The following CTNNA2 variants were observed in gnomAD, a reference collection of about 807,000 sequenced individuals.
The protein encoded by CTNNA2 is catenin alpha-2.
Under a neutral mutation model 101.0 loss-of-function variants are expected in CTNNA2, and 42 were observed. That is an observed-to-expected ratio of 0.42 (90% confidence interval 0.32 to 0.54). The LOEUF is 0.54. Among genes scored for constraint, CTNNA2 ranks in the 20% least tolerant of loss-of-function variants. CTNNA2 has a pLI of 0.14. For missense variants in CTNNA2, 871 were observed against 1,223.1 expected (o/e 0.71, Z 4.29); for synonymous variants, 450 against 456.4 (o/e 0.99, Z 0.18).
At chr2:80,497,764 G>C (rs1687581815) in intron 9 of CTNNA2, among the ~76,000 whole-genome samples, 1 of 152,206 alleles carries the variant, frequency 6.6e-6, no homozygotes, top group African/African-American at 2.4e-5. Context: ...GGTCACAGGG[G>C]AAGGAACAGT....
intron 2 of CTNNA2, among the ~76,000 whole-genome samples, chr2:79,258,254 C>A (rs1471597022): frequency 1.3e-5 from 2 of 152,032 alleles, no homozygotes; most frequent in African/African-American, 4.8e-5. Context: ...AAGCATGAAG[C>A]AATTTATAAA....
At chr2:79,635,119 G>C (rs78014526) in intron 1 of CTNNA2, among the ~76,000 whole-genome samples, 1 of 152,118 alleles carries the variant, frequency 6.6e-6, no homozygotes, top group East Asian at 1.9e-4. Context: ...CCTTGATTAA[G>C]GCAGCGGTGG....
At chr2:79,225,215 C>A (rs1460199897) in intron 2 of CTNNA2, among the ~76,000 whole-genome samples, 1 of 152,048 alleles carries the variant, frequency 6.6e-6, no homozygotes, top group Non-Finnish European at 1.5e-5. Flanking sequence ...TTTCATGAAA[C>A]AGGGGCATCA....
chr2:79,943,315 GA>G (rs1452384161), intron 7 of CTNNA2, among the ~76,000 whole-genome samples: 1 of 152,156 alleles, frequency 6.6e-6, no homozygotes. Context: ...CACCCCAGAA[GA>G]GGGGAATCGG....
intron 2 of CTNNA2, among the ~76,000 whole-genome samples, chr2:79,713,319 G>A (rs1685861823): frequency 6.6e-6 from 1 of 152,184 alleles, no homozygotes; most frequent in Non-Finnish European, 1.5e-5. Context: ...TGTGGCTTAT[G>A]CCTGTAATCC....
intron 2 of CTNNA2, among the ~76,000 whole-genome samples, chr2:79,675,050 A>T (rs181465561): frequency 1.3e-5 from 2 of 152,214 alleles, no homozygotes; most frequent in Non-Finnish European, 2.9e-5. Context: ...AGAGGCTGAG[A>T]TATTATCAGT....
intron 2 of CTNNA2, among the ~76,000 whole-genome samples, chr2:79,670,061 G>A (rs1332191667): frequency 6.6e-6 from 1 of 152,160 alleles, no homozygotes; most frequent in Non-Finnish European, 1.5e-5. Context: ...AACAGGGTTG[G>A]GGGATACTTC....
rs1674945446 is a variant in CTNNA2, at chr2:79,563,863, G to A, written c.-6+50656G>A. Reference sequence around the variant, plus strand: ...GTCATTCAAAGTCATTATAACAAATGCCATTAAAGGCTAGATTGCCTGGTA... The same window carrying A: ...GTCATTCAAAGTCATTATAACAAATACCATTAAAGGCTAGATTGCCTGGTA... On this transcript the variant is annotated intron_variant, in intron 1 of 18. Coordinates refer to ENST00000402739, the MANE Select transcript of CTNNA2 (RefSeq NM_001282597.3). 2.0e-5 allele frequency among the ~76,000 whole-genome samples: 3 copies of A among 152,110 alleles called. No individual in the cohort carries two copies. In the South Asian group the frequency reaches 6.2e-4, roughly 32 times the overall value.
In CTNNA2 at chr2:80,569,539, G is replaced by A. The variant is rs552689373; in HGVS notation, c.1742-4624G>A. On this transcript the variant is annotated intron_variant, in intron 12 of 18. Coordinates refer to ENST00000402739, the MANE Select transcript of CTNNA2 (RefSeq NM_001282597.3). ...ATGTGTGCATCACAAAGGCAATGCT[G>A]CGTTTTGTCCTAATTAGTGAGAGGC... 8.6e-5 allele frequency among the ~76,000 whole-genome samples: 13 copies of A among 151,438 alleles called. No individual in the cohort carries two copies. The South Asian group carries it at 2.7e-3, about 32-fold the overall frequency.
chr2:79,401,689 G>T (rs914571875), intron 4 of CTNNA2, among the ~76,000 whole-genome samples: 1 of 150,466 alleles, frequency 6.6e-6, no homozygotes, highest in East Asian at 2.0e-4. Flanking sequence ...TGATAAAATC[G>T]AAAAACTAAA....
intron 3 of CTNNA2, among the ~76,000 whole-genome samples, chr2:79,344,307 G>T (rs563260424): frequency 2.0e-5 from 3 of 152,266 alleles, no homozygotes; most frequent in African/African-American, 7.2e-5. Flanking sequence ...AGAATCCTTT[G>T]ATTTTCATGT....
At chr2:80,194,914 G>A (rs1230880536) in intron 7 of CTNNA2, among the ~76,000 whole-genome samples, 3 of 151,648 alleles carry the variant, frequency 2.0e-5, no homozygotes, top group Non-Finnish European at 2.9e-5. Flanking sequence ...AAGAACAAGC[G>A]ATATTCAGAA....
At chr2:79,237,333 A>G (rs935459638) in intron 2 of CTNNA2, among the ~76,000 whole-genome samples, 2 of 152,232 alleles carry the variant, frequency 1.3e-5, no homozygotes, top group Non-Finnish European at 2.9e-5. Flanking sequence ...AATATTTAGT[A>G]AACCATGTTG....
intron 9 of CTNNA2, among the ~76,000 whole-genome samples, chr2:80,456,759 C>T (rs1214932294): frequency 6.6e-6 from 1 of 152,042 alleles, no homozygotes; most frequent in African/African-American, 2.4e-5. Context: ...CCTTATTGGG[C>T]ACCTGAGGGA....
intron 18 of CTNNA2, among the ~76,000 whole-genome samples, chr2:80,634,397 G>T (rs1672637338): frequency 6.6e-6 from 1 of 152,064 alleles, no homozygotes. Context: ...CTAGGCAGAA[G>T]AAATAGTAAG....
chr2:79,960,667 C>T (rs12990844), intron 7 of CTNNA2, among the ~76,000 whole-genome samples: 50,319 of 152,066 alleles, frequency 0.33, 9,309 homozygotes, highest in Non-Finnish European at 0.4. Context: ...TTAAACATTA[C>T]ATTGATTTTT....
intron 1 of CTNNA2, among the ~76,000 whole-genome samples, chr2:79,568,314 C>T (rs1003707042): frequency 6.6e-6 from 1 of 152,090 alleles, no homozygotes; most frequent in African/African-American, 2.4e-5. Flanking sequence ...TATAAAAGTA[C>T]CTTCAGCCTG....
intron 7 of CTNNA2, among the ~76,000 whole-genome samples, chr2:80,066,141 C>T (rs1470206458): frequency 6.6e-6 from 1 of 152,146 alleles, no homozygotes; most frequent in Admixed American, 6.5e-5. Flanking sequence ...GTAGAGTTGA[C>T]TTGTGTAACT....
At chr2:79,741,215 C>T (rs1671267963) in intron 2 of CTNNA2, among the ~76,000 whole-genome samples, 1 of 152,106 alleles carries the variant, frequency 6.6e-6, no homozygotes, top group East Asian at 1.9e-4. Context: ...TTTGCTGCTT[C>T]CATTTAAACA....
Sources: gnomAD v4.1 joint callset for allele counts (sites outside exome capture counted in the v4.1 genomes callset) on GRCh38, gnomAD v4.1.1 for gene constraint, MANE v1.5 for transcripts, NCBI Gene and HGNC (gene_info 2026-07-23, HGNC 2026-07-21) for gene names.